The following TARBP2 variants were observed in gnomAD, a reference collection of about 807,000 sequenced individuals.
The protein encoded by TARBP2 is RISC-loading complex subunit TARBP2.
TARBP2 carries 23 observed loss-of-function variants against 40.4 expected under a neutral mutation model. That is an observed-to-expected ratio of 0.57 (90% CI 0.41 to 0.81). The LOEUF (loss-of-function observed/expected upper bound fraction) is 0.81. TARBP2 is among the 30% of genes least tolerant of loss of function. The pLI is 0.00. For synonymous variants in TARBP2, 183 were observed against 190.5 expected (o/e 0.96, Z 0.32); for missense variants, 358 against 473.7 (o/e 0.76, Z 2.27).
chr12:53,503,413 C>T (rs1318596099), intron 3 of TARBP2: 4 of 611,646 alleles, frequency 6.5e-6, no homozygotes, highest in East Asian at 3.1e-5. Context: ...AGTTACTCCC[C>T]AACATACCTC....
chr12:53,504,613 G>C (rs777439151), intron 5 of TARBP2, 85 bp from the exon 6 acceptor site: 1 of 1,612,972 alleles, frequency 6.2e-7, no homozygotes, highest in East Asian at 2.2e-5. Flanking sequence ...CTCACCTAGA[G>C]TCTGAGGCTC....
At chr12:53,503,266 A>T in intron 3 of TARBP2, 137 bp downstream of exon 3, 1 of 1,406,664 alleles carries the variant, frequency 7.1e-7, no homozygotes, top group Non-Finnish European at 9.3e-7. Context: ...TCTGGACCTG[A>T]ACAGGGTTTT....
In TARBP2 at chr12:53,503,116, C is replaced by A. The variant is rs1230810380; in HGVS notation, c.313C>A (p.Leu105Met). ...AGGGGGGAGCATGCTGGAGCCGGCC[C>A]TGGAGGACAGCAGGTGAGGGAGGAA... ...LKGGSMLEPA[L>M]EDSSSFSPLD... Residue 105 changes from leucine to methionine, a missense_variant, in exon 3 of 9, where the codon CTG (leucine) becomes ATG (methionine). This residue lies in a region of TARBP2 where 317 missense variants were observed against 422.9 expected (regional missense o/e 0.75). Coordinates refer to ENST00000266987, the MANE Select transcript of TARBP2 (RefSeq NM_134323.2). The A allele has an allele frequency of 6.5e-7, 1 of 1,549,966 alleles. No individual in the cohort carries two copies.
chr12:53,501,138 C>G (rs1565896866), upstream of TARBP2: 1 of 546,480 alleles, frequency 1.8e-6, no homozygotes, highest in Non-Finnish European at 3.3e-6. Flanking sequence ...ACGGCCTTCT[C>G]GAGAAGCGAC....
At position 53,501,481 on chromosome 12, in the gene TARBP2, T is replaced by C; in HGVS notation, c.53+20T>C. ...GCCTAGGTGAGCCGTCTCGTACCGA[T>C]TCCTTCAGGGCGAAAAGCGTGGGGC... On this transcript the variant is annotated intron_variant, in intron 1 of 8. Coordinates refer to ENST00000266987, the MANE Select transcript of TARBP2 (RefSeq NM_134323.2). The C allele has an allele frequency of 6.4e-7, 1 of 1,559,694 alleles. No homozygotes were observed. The highest frequency in any genetic ancestry group is 8.7e-7 in the Non-Finnish European group (1 of 1,151,632).
At position 53,506,146 on chromosome 12, in the gene TARBP2, T is replaced by G; in HGVS notation, c.1099T>G (p.Ter367GlyextTer70). Residue 367 changes from the stop codon to glycine, a stop_lost, in exon 9 of 9, where the codon TGA (stop) becomes GGA (glycine). Transcript: ENST00000266987. Reference sequence around the variant, plus strand: ...CCTCAAGATCATGGCAGGCAGCAAGTGAAGCCCCAGCTGGACTCATGGATG... The same window carrying G: ...CCTCAAGATCATGGCAGGCAGCAAGGGAAGCCCCAGCTGGACTCATGGATG... ...QYLKIMAGSK[*>G] The G allele has an allele frequency of 6.2e-7, 1 of 1,613,424 alleles. No individual in the cohort carries two copies. Among genetic ancestry groups the G allele is most frequent in the Non-Finnish European group, 8.5e-7 (1 of 1,179,826 alleles).
Position 53,506,004 on chromosome 12 carries a change from G to C in TARBP2, c.957G>C (p.Leu319=), listed in dbSNP as rs944361913. 1.9e-6 allele frequency: 3 copies of C among 1,613,984 alleles called. No individual in the cohort carries two copies. Among genetic ancestry groups the C allele is most frequent in the Non-Finnish European group, 8.5e-7 (1 of 1,179,940 alleles). ...VSYLDIEELS[L]SGLCQCLVEL... is the part of the protein sequence containing the mutation. ...CTTGCTCTCCAGAGGAGCTGAGCCT[G>C]AGTGGACTCTGCCAGTGCCTGGTGG... The change falls in exon 9 of 9, where the codon CTG becomes CTC. Residue 319 remains leucine (L), a synonymous_variant. Transcript: ENST00000266987.
rs776097598 is a variant in TARBP2 at position 53,503,755 on chromosome 12, G to A, written c.369G>A (p.Pro123=). The A allele has an allele frequency of 2.8e-5, 45 of 1,614,030 alleles. No individual in the cohort carries two copies. Among genetic ancestry groups the A allele is most frequent in the East Asian group, 1.6e-4 (7 of 44,890 alleles). ...ACTCTTCACTGCCTGAGGACATTCCGGTTTTTACTGCTGCAGCAGCTGCTA... is the reference window on the plus strand; with the variant it reads ...ACTCTTCACTGCCTGAGGACATTCCAGTTTTTACTGCTGCAGCAGCTGCTA... ...PLDSSLPEDI[P]VFTAAAAATP... is the part of the protein sequence containing the mutation. The change falls in exon 4 of 9, where the codon CCG becomes CCA. Residue 123 remains proline (P), a synonymous_variant. Coordinates refer to ENST00000266987, the MANE Select transcript of TARBP2 (RefSeq NM_134323.2).
chr12:53,503,536 G>T (rs1217880589), intron 3 of TARBP2, 177 bp from the exon 4 acceptor site: 2 of 598,110 alleles, frequency 3.3e-6, no homozygotes, highest in Non-Finnish European at 5.9e-6. Context: ...CAGTCTTTTC[G>T]CCGGTGTTTG....
Position 53,501,362 on chromosome 12 carries a change from G to A in TARBP2, c.-47G>A. On this transcript the variant is annotated 5_prime_UTR_variant, in exon 1 of 9. Coordinates refer to ENST00000266987, the MANE Select transcript of TARBP2 (RefSeq NM_134323.2). Reference sequence around the variant, plus strand: ...TAGCTCGTCGGCTGTGTATTGGGGCGCGTGGAGGCTGCAGTCACGGTGGCG... The same window carrying A: ...TAGCTCGTCGGCTGTGTATTGGGGCACGTGGAGGCTGCAGTCACGGTGGCG... 1 of 1,550,700 alleles carries A rather than the reference G, an allele frequency of 6.4e-7. No individual in the cohort carries two copies. Among genetic ancestry groups the A allele is most frequent in the East Asian group, 2.4e-5 (1 of 41,050 alleles).
Position 53,506,410 on chromosome 12 carries a change from A to ATGC in TARBP2, c.*267_*269dup. 1 of 527,244 alleles carries ATGC rather than the reference A, an allele frequency of 1.9e-6. No individual in the cohort carries two copies. The highest frequency in any genetic ancestry group is 3.4e-6 in the Non-Finnish European group (1 of 298,284). 32.7% of individuals were successfully genotyped at this position (527,244 alleles called of 1,614,324 possible). On this transcript the variant is annotated 3_prime_UTR_variant, in exon 9 of 9. Coordinates refer to ENST00000266987, the MANE Select transcript of TARBP2 (RefSeq NM_134323.2). ...CTGTCTACTAGAGCCTGGAATAAAT[A>ATGC]TGCTGCTTTGTGGATTTTTAAGCCC...
intron 2 of TARBP2, chr12:53,502,389 A>G: frequency 1.6e-6 from 1 of 622,606 alleles, no homozygotes; most frequent in Non-Finnish European, 2.7e-6. Flanking sequence ...AGCGAGCAGG[A>G]CTCCCACAGT....
rs1476611229 is a variant in TARBP2 at position 53,505,804 on chromosome 12, T to C, written c.897T>C (p.Ser299=). The change falls in exon 8 of 9, where the codon AGT becomes AGC. Residue 299 remains serine (S), a synonymous_variant. Transcript: ENST00000266987. This position sits in a 1 kb window ranked among gnomAD's most constrained non-coding sequence, Gnocchi z 4.5. ...ALGPACCRVL[S]ELSEEQAFHV... ...GCCCTGCCTGCTGCCGTGTCCTCAG[T>C]GAGCTCTCTGAGGAGCAGGCCTTTC... The C allele has an allele frequency of 6.2e-7, 1 of 1,613,992 alleles. No homozygotes were observed. Among genetic ancestry groups the C allele is most frequent in the South Asian group, 1.1e-5 (1 of 91,076 alleles).
rs1456236516 is a variant in TARBP2, at chr12:53,504,983, C to T, written c.614-152C>T. On this transcript the variant is annotated intron_variant, in intron 6 of 8. Coordinates refer to ENST00000266987, the MANE Select transcript of TARBP2 (RefSeq NM_134323.2). Reference sequence around the variant, plus strand: ...CTTGGCACCCTATTTGTCCCCTTCTCTCTGGCTGACCAGGTTCTCACGTGC... The same window carrying T: ...CTTGGCACCCTATTTGTCCCCTTCTTTCTGGCTGACCAGGTTCTCACGTGC... The T allele has an allele frequency of 2.8e-6, 4 of 1,453,274 alleles. No individual in the cohort carries two copies. The Admixed American group carries it at 8.2e-5, about 30-fold the overall frequency. 90.0% of individuals were successfully genotyped at this position (1,453,274 alleles called of 1,614,324 possible). A position where few individuals can be genotyped will look rare whatever the true frequency, so the allele number is the denominator to read the frequency against.
At chr12:53,504,279 C>G (rs1943856339) in intron 4 of TARBP2, 118 bp from the exon 5 acceptor site, 1 of 965,360 alleles carries the variant, frequency 1.0e-6, no homozygotes, top group Non-Finnish European at 1.5e-6. Flanking sequence ...CAGCTCCCCA[C>G]CCGGTGGAAT....
In TARBP2 at chr12:53,503,029, CAG is replaced by C; in HGVS notation, c.227_228del (p.Gln76ArgfsTer13). The C allele has an allele frequency of 6.5e-7, 1 of 1,549,800 alleles. No homozygotes were observed. Among genetic ancestry groups the C allele is most frequent in the Non-Finnish European group, 8.7e-7 (1 of 1,145,974 alleles). On this transcript the variant is annotated frameshift_variant, in exon 3 of 9. Transcript: ENST00000266987. LOFTEE classifies it high-confidence loss of function. ...VTVGDTSCTG[Q>X]GPSKKAAKHK... is the part of the protein sequence containing the mutation. ...ATTGCCCATGCCCCCTCTCTCAGGT[CAG>C]GGCCCCAGCAAGAAGGCAGCCAAGC...
Position 53,504,709 on chromosome 12 carries a change from G to C in TARBP2, c.507G>C (p.Val169=). Reference sequence around the variant, plus strand: ...GTCTCCCTTCCAAGGAGCTGGTGGTGCAGAAAGGCTGGCGGTTGCCGGAGT... The same window carrying C: ...GTCTCCCTTCCAAGGAGCTGGTGGTCCAGAAAGGCTGGCGGTTGCCGGAGT... ...NPVGALQELV[V]QKGWRLPEYT... Residue 169 remains valine, a synonymous_variant, in exon 6 of 9, where the codon GTG becomes GTC. Coordinates refer to ENST00000266987, the MANE Select transcript of TARBP2 (RefSeq NM_134323.2). 1 of 1,614,198 alleles carries C rather than the reference G, an allele frequency of 6.2e-7. No homozygotes were observed. Among genetic ancestry groups the C allele is most frequent in the Non-Finnish European group, 8.5e-7 (1 of 1,180,038 alleles).
chr12:53,505,822 G>C lies in TARBP2; in HGVS notation c.915G>C (p.Gln305His). 6.2e-7 allele frequency: 1 copy of C among 1,614,006 alleles called. No individual in the cohort carries two copies. Among genetic ancestry groups the C allele is most frequent in the Non-Finnish European group, 8.5e-7 (1 of 1,179,958 alleles). Residue 305 changes from glutamine (Q) to histidine (H), a missense_variant, in exon 8 of 9, where the codon CAG becomes CAC. Physicochemically the swap from Gln to His is conservative, Grantham distance 24. Around this residue, in one of 3 missense-constraint regions of TARBP2, gnomAD observed 317 missense variants for 422.9 expected, o/e 0.75. Coordinates refer to ENST00000266987, the MANE Select transcript of TARBP2 (RefSeq NM_134323.2). This position sits in a 1 kb window ranked among gnomAD's most constrained non-coding sequence, Gnocchi z 4.5. ...TCCTCAGTGAGCTCTCTGAGGAGCA[G>C]GCCTTTCACGTCAGCTACCTGGATA... The part of the protein sequence containing the change: ...CRVLSELSEE[Q>H]AFHVSYLDIE...
chr12:53,504,882 G>T, intron 6 of TARBP2, 67 bp downstream of exon 6: 1 of 1,578,992 alleles, frequency 6.3e-7, no homozygotes, highest in Non-Finnish European at 8.7e-7. Context: ...CCACAAAGCA[G>T]CTCCTGGCCT....
Sources: gnomAD v4.1 joint callset for allele counts on GRCh38, gnomAD v4.1.1 for gene constraint, gnomAD v4.1.1 regional missense constraint, Gnocchi (gnomAD v3.1) non-coding constraint, MANE v1.5 for transcripts, NCBI Gene and HGNC (gene_info 2026-07-23, HGNC 2026-07-21) for gene names.